LRP6: variants seen among roughly 807,000 people sequenced by gnomAD.
LRP6 encodes low-density lipoprotein receptor-related protein 6.
In LRP6, 43 loss-of-function variants were observed where a neutral mutation model predicts 184.1. The observed-to-expected ratio is 0.23, with a 90% CI of 0.18 to 0.30. LRP6 has a LOEUF of 0.30. LRP6 is among the 10% of genes least tolerant of loss of function. The pLI is 1.00. For synonymous variants in LRP6, 719 were observed against 684.9 expected (o/e 1.05, Z -0.78); for missense variants, 1,571 against 2,005.3 (o/e 0.78, Z 4.14).
intron 9 of LRP6, among the ~76,000 whole-genome samples, chr12:12,164,008 T>C (rs1419378353): frequency 1.3e-5 from 2 of 151,980 alleles, no homozygotes; most frequent in Non-Finnish European, 2.9e-5. Flanking sequence ...CACGCACCTG[T>C]AGTCCTAGCT....
chr12:12,264,761 AAAT>A (rs141447526), intron 1 of LRP6, among the ~76,000 whole-genome samples: 6,251 of 152,328 alleles, frequency 0.041, 174 homozygotes, highest in Middle Eastern at 0.16. Context: ...GTTTTACTTC[AAAT>A]AATATGTACT....
chr12:12,171,325 G>A (rs896566253), intron 7 of LRP6, among the ~76,000 whole-genome samples: 2 of 152,048 alleles, frequency 1.3e-5, no homozygotes, highest in Admixed American at 1.3e-4. Context: ...GACCATCCTG[G>A]CTAACATGGT....
intron 15 of LRP6, among the ~76,000 whole-genome samples, chr12:12,142,703 AT>A (rs930804503): frequency 6.6e-6 from 1 of 152,164 alleles, no homozygotes; most frequent in African/African-American, 2.4e-5. Context: ...ATGAGCGTAG[AT>A]TAAAAAAAAT....
intron 2 of LRP6, among the ~76,000 whole-genome samples, chr12:12,222,460 G>A (rs1372462231): frequency 6.6e-6 from 1 of 151,578 alleles, no homozygotes; most frequent in East Asian, 1.9e-4. Flanking sequence ...CCACCTACTC[G>A]GTAGGCTGAG....
At chr12:12,183,024 C>A (rs193197867) in intron 5 of LRP6, among the ~76,000 whole-genome samples, 1 of 152,300 alleles carries the variant, frequency 6.6e-6, no homozygotes, top group East Asian at 1.9e-4. Context: ...TAAATTGAAA[C>A]CAAATTGCTG....
chr12:12,151,047 G>C lies in LRP6; in HGVS notation c.2792-9C>G, dbSNP rs958275603. On this transcript the variant is annotated splice_polypyrimidine_tract_variant and intron_variant, in intron 12 of 22. Coordinates refer to ENST00000261349, the MANE Select transcript of LRP6 (RefSeq NM_002336.3). Reference sequence around the variant, plus strand: ...CAGGAAAGTCGTAGGAGCTTAAAAGGAAGAAAAGAGAAAATCTGAAATCTA... The same window carrying C: ...CAGGAAAGTCGTAGGAGCTTAAAAGCAAGAAAAGAGAAAATCTGAAATCTA... 19 of 1,609,190 alleles carry C rather than the reference G, an allele frequency of 1.2e-5. No homozygotes were observed. The highest frequency in any genetic ancestry group is 5.0e-5 in the Admixed American group (3 of 59,536).
intron 4 of LRP6, 84 bp downstream of exon 4, chr12:12,186,839 C>T: frequency 8.5e-7 from 1 of 1,171,678 alleles, no homozygotes; most frequent in Non-Finnish European, 1.3e-6. Flanking sequence ...TATGCCCTCC[C>T]TCCTCCTGAT....
intron 14 of LRP6, 125 bp from the exon 15 acceptor site, chr12:12,147,681 G>T: frequency 1.2e-6 from 1 of 834,110 alleles, no homozygotes; most frequent in Non-Finnish European, 1.9e-6. Flanking sequence ...TTTAAAATAC[G>T]TATTTTTTGA....
chr12:12,140,566 G>A (rs1949914683), intron 15 of LRP6, among the ~76,000 whole-genome samples: 1 of 151,644 alleles, frequency 6.6e-6, no homozygotes, highest in South Asian at 2.1e-4. Flanking sequence ...GAGAAGGAAG[G>A]GAAGGGGAAG....
At chr12:12,244,713 T>C (rs1865143557) in intron 1 of LRP6, 58 bp from the exon 2 acceptor site, 4 of 1,562,266 alleles carry the variant, frequency 2.6e-6, no homozygotes, top group South Asian at 1.1e-5. Flanking sequence ...TTGGTTCTTA[T>C]AAACTGCGTT....
chr12:12,154,860 T>A (rs1950129289), intron 12 of LRP6, among the ~76,000 whole-genome samples: 1 of 152,226 alleles, frequency 6.6e-6, no homozygotes, highest in South Asian at 2.1e-4. Context: ...TGTTATTTAA[T>A]CCACAAAATT....
intron 1 of LRP6, among the ~76,000 whole-genome samples, chr12:12,251,997 G>A (rs1037212508): frequency 3.3e-5 from 5 of 151,610 alleles, no homozygotes; most frequent in East Asian, 1.9e-4. Flanking sequence ...GGGCTCAAAC[G>A]ATCCTCCTGC....
At chr12:12,133,771 TAA>T (rs1949789806) in intron 17 of LRP6, among the ~76,000 whole-genome samples, 1 of 130,770 alleles carries the variant, frequency 7.6e-6, no homozygotes, top group Non-Finnish European at 1.5e-5. Context: ...ATCATTAACA[TAA>T]AGAGAAATTT....
chr12:12,130,721 T>G lies in LRP6; in HGVS notation c.4081+62A>C, dbSNP rs938202440. 4.0e-6 allele frequency: 4 copies of G among 1,011,686 alleles called. No individual in the cohort carries two copies. In the African/African-American group the frequency reaches 6.4e-5, roughly 16 times the overall value. The allele number at this position is 1,011,686 out of a possible 1,614,324, so 62.7% of individuals were successfully genotyped here. On this transcript the variant is annotated intron_variant, in intron 19 of 22. Coordinates refer to ENST00000261349, the MANE Select transcript of LRP6 (RefSeq NM_002336.3). The stretch of plus-strand genomic sequence containing the variant: ...AATCTCGATAAGTAAACCTCACACA[T>G]AAGAAAAAAAATTGTTTAAATTCTC...
At position 12,222,607 on chromosome 12, in the gene LRP6, T is replaced by A. The variant is rs547245161; in HGVS notation, c.450-19207A>T. Among the ~76,000 whole-genome samples, 349 of 151,716 alleles carry A rather than the reference T, an allele frequency of 2.3e-3. 1 individual carries two copies. The highest frequency in any genetic ancestry group is 8.2e-3 in the African/African-American group (338 of 41,402). ...AGAAAGAAAGAAAGAAAGATTCCATTCTTGCGGGGGAAATATTCCAAGACC... is the reference window on the plus strand; with the variant it reads ...AGAAAGAAAGAAAGAAAGATTCCATACTTGCGGGGGAAATATTCCAAGACC... On this transcript the variant is annotated intron_variant, in intron 2 of 22. Coordinates refer to ENST00000261349, the MANE Select transcript of LRP6 (RefSeq NM_002336.3).
chr12:12,239,325 A>G (rs1865002076), intron 2 of LRP6, among the ~76,000 whole-genome samples: 1 of 152,208 alleles, frequency 6.6e-6, no homozygotes, highest in African/African-American at 2.4e-5. Context: ...ATCTCAGAAA[A>G]AGAACAAAGA....
chr12:12,188,136 A>G (rs1171380590), intron 3 of LRP6, among the ~76,000 whole-genome samples: 2 of 150,932 alleles, frequency 1.3e-5, no homozygotes, highest in African/African-American at 4.9e-5. Flanking sequence ...GCTTGAATCC[A>G]GGAGGCGGAG....
intron 4 of LRP6, among the ~76,000 whole-genome samples, chr12:12,186,307 A>G (rs924644913): frequency 3.3e-5 from 5 of 152,228 alleles, no homozygotes; most frequent in Admixed American, 3.3e-4. Flanking sequence ...CGCTGACTCA[A>G]AAAGGCTGAG....
intron 20 of LRP6, 104 bp downstream of exon 20, chr12:12,126,587 A>C: frequency 1.1e-6 from 1 of 891,846 alleles, no homozygotes; most frequent in Non-Finnish European, 1.9e-6. Flanking sequence ...AACTCAGAGT[A>C]ATATGGTTTC....
Sources: gnomAD v4.1 joint callset for allele counts (sites outside exome capture counted in the v4.1 genomes callset) on GRCh38, gnomAD v4.1.1 for gene constraint, MANE v1.5 for transcripts, NCBI Gene and HGNC (gene_info 2026-07-23, HGNC 2026-07-21) for gene names.